Variants in URB1 observed in about 807,000 individuals in gnomAD.
URB1 encodes URB1 ribosome biogenesis factor.
URB1 carries 197 observed loss-of-function variants against 242.3 expected under a neutral mutation model. The ratio of observed to expected loss-of-function variants is 0.81; its 90% CI spans 0.72 to 0.91. URB1 has a LOEUF of 0.91. URB1 is among the 40% of genes least tolerant of loss of function. The probability of loss-of-function intolerance (pLI) is 0.00; values close to 1 mark genes in which losing one functional copy is unlikely to be tolerated. For missense variants in URB1, 2,721 were observed against 2,860.5 expected, an observed-to-expected ratio of 0.95 and a Z score of 1.11; for synonymous variants, 1,153 against 1,201.8, an observed-to-expected ratio of 0.96 and a Z score of 0.84.
In URB1 at chr21:32,346,989, T is replaced by C. The variant is rs1371989918; in HGVS notation, c.3835A>G (p.Arg1279Gly). ...LPLIHVYLQCRTRSHFTRPAG... is the reference protein window; with the variant it reads ...LPLIHVYLQCGTRSHFTRPAG... ...GGGCGTGTGAAGTGGCTCCGTGTCCTGCACTGGAGGTACACATGGATGAGG... is the reference window on the plus strand; with the variant it reads ...GGGCGTGTGAAGTGGCTCCGTGTCCCGCACTGGAGGTACACATGGATGAGG... Residue 1279 changes from arginine (R) to glycine (G), a missense_variant, in exon 22 of 39, where the codon AGG becomes GGG. Transcript: ENST00000382751. 2 of 1,535,198 alleles carry C rather than the reference T, an allele frequency of 1.3e-6. No individual in the cohort carries two copies. The highest frequency in any genetic ancestry group is 1.8e-6 in the Non-Finnish European group (2 of 1,134,824).
chr21:32,340,845 A>G (rs538856987), intron 25 of URB1, among the ~76,000 whole-genome samples: 1 of 152,330 alleles, frequency 6.6e-6, no homozygotes, highest in African/African-American at 2.4e-5. Flanking sequence ...AGAACAGCCT[A>G]GACATTTGTC....
intron 10 of URB1, among the ~76,000 whole-genome samples, chr21:32,364,129 G>T (rs978497623): frequency 6.6e-6 from 1 of 152,094 alleles, no homozygotes; most frequent in East Asian, 1.9e-4. Flanking sequence ...ACAGGCCTGT[G>T]ACATCCAGAG....
intron 19 of URB1, among the ~76,000 whole-genome samples, chr21:32,352,095 A>G (rs187347933): frequency 6.6e-6 from 1 of 152,354 alleles, no homozygotes; most frequent in Non-Finnish European, 1.5e-5. Context: ...ATCACAAGAT[A>G]AGGAGGGTCT....
At chr21:32,385,921 G>A (rs1285007059) in intron 1 of URB1, among the ~76,000 whole-genome samples, 1 of 152,162 alleles carries the variant, frequency 6.6e-6, no homozygotes, top group Non-Finnish European at 1.5e-5. Flanking sequence ...GGAGGCTAAG[G>A]CAGGCAGATC....
chr21:32,372,484 T>A (rs748317506), intron 8 of URB1, 23 bp downstream of exon 8: 2 of 1,548,580 alleles, frequency 1.3e-6, no homozygotes, highest in African/African-American at 2.7e-5. Context: ...CACCCTGGGG[T>A]CCACAAGAGT....
chr21:32,334,064 A>G, intron 29 of URB1, 99 bp downstream of exon 29: 25 of 1,359,612 alleles, frequency 1.8e-5, no homozygotes, highest in Non-Finnish European at 2.5e-5. Context: ...CTTACTTAAT[A>G]AAAAGGTAAA....
chr21:32,383,701 AG>A, intron 3 of URB1, 147 bp from the exon 4 acceptor site: 1 of 995,910 alleles, frequency 1.0e-6, no homozygotes, highest in South Asian at 2.2e-5. Flanking sequence ...TCTTTTTTTA[AG>A]GAAAAAGAAA....
chr21:32,352,588 G>A (rs2033169960), intron 19 of URB1, 122 bp downstream of exon 19: 1 of 1,160,654 alleles, frequency 8.6e-7, no homozygotes, highest in Admixed American at 2.2e-5. Flanking sequence ...GGGACTTTAG[G>A]GTAAGAAATT....
chr21:32,337,628 T>C, intron 26 of URB1, 114 bp from the exon 27 acceptor site: 2 of 775,266 alleles, frequency 2.6e-6, no homozygotes, highest in Non-Finnish European at 4.2e-6. Context: ...CTCCTCTGAA[T>C]AATACTGGTG....
chr21:32,345,645 T>G, intron 22 of URB1, 70 bp from the exon 23 acceptor site: 9 of 1,429,656 alleles, frequency 6.3e-6, no homozygotes, highest in African/African-American at 1.4e-5. Context: ...GACCAGCTCC[T>G]AGGAACTGGT....
In URB1 at chr21:32,347,147, C is replaced by A. The variant is rs1191698287; in HGVS notation, c.3677G>T (p.Arg1226Leu). The A allele has an allele frequency of 6.5e-7, 1 of 1,548,664 alleles. No homozygotes were observed. Among genetic ancestry groups the A allele is most frequent in the Admixed American group, 2.0e-5 (1 of 50,962 alleles). ...AGCGATGCTGAGGGCCGCCTGTGTG[C>A]GCCGGGCCAGGCAGTAGTCAAGCAG... ...ADLLDYCLAR[R>L]TQAALSIAAL... Residue 1226 changes from arginine (R) to leucine (L), a missense_variant, in exon 22 of 39, where the codon CGC (arginine) becomes CTC (leucine). Arg to Leu is a moderately radical substitution (Grantham distance 102). Coordinates refer to ENST00000382751, the MANE Select transcript of URB1 (RefSeq NM_014825.3).
At position 32,352,741 on chromosome 21, in the gene URB1, A is replaced by T. The variant is rs1385823788; in HGVS notation, c.2582T>A (p.Leu861His). Residue 861 changes from leucine to histidine, a missense_variant, in exon 19 of 39, where the codon CTC (leucine) becomes CAC (histidine). By Grantham distance (99) the Leu-to-His change is moderately conservative. Coordinates refer to ENST00000382751, the MANE Select transcript of URB1 (RefSeq NM_014825.3). ...CTCTCGGGCTTGCTCCGGGATCCAG[A>T]GGCTGTAGTATCTGTTAAACCGTGA... ...QLSRFNRYYS[L>H]WIPEQAREAW... is the part of the protein sequence containing the mutation. 1.3e-6 allele frequency: 2 copies of T among 1,551,472 alleles called. No individual in the cohort carries two copies. Among genetic ancestry groups the T allele is most frequent in the African/African-American group, 2.7e-5 (2 of 73,044 alleles).
intron 30 of URB1, among the ~76,000 whole-genome samples, chr21:32,330,737 G>C (rs2032884459): frequency 6.6e-6 from 1 of 152,216 alleles, no homozygotes; most frequent in African/African-American, 2.4e-5. Flanking sequence ...CCACTGACTA[G>C]GAGATCTGCT....
chr21:32,342,234 C>T (rs1470658347), intron 24 of URB1, among the ~76,000 whole-genome samples: 3 of 152,158 alleles, frequency 2.0e-5, no homozygotes, highest in Non-Finnish European at 4.4e-5. Context: ...ATGAAAACTA[C>T]TAGTGTGACA....
intron 25 of URB1, among the ~76,000 whole-genome samples, chr21:32,341,128 T>C (rs2033024392): frequency 6.6e-6 from 1 of 152,126 alleles, no homozygotes; most frequent in Non-Finnish European, 1.5e-5. Context: ...AAGCAGAACC[T>C]CAGAAGAGTG....
intron 33 of URB1, 117 bp downstream of exon 33, chr21:32,322,361 C>T: frequency 5.2e-6 from 5 of 964,312 alleles, no homozygotes; most frequent in Non-Finnish European, 8.0e-6. Flanking sequence ...CCACCGACTG[C>T]ACAATCGTGT....
At chr21:32,383,599 A>C in intron 3 of URB1, 45 bp from the exon 4 acceptor site, 2 of 1,522,638 alleles carry the variant, frequency 1.3e-6, no homozygotes, top group Non-Finnish European at 1.8e-6. Context: ...ACAACAGCAG[A>C]AGCACAGAGC....
chr21:32,316,045 CTA>C (rs1052514454), intron 38 of URB1, among the ~76,000 whole-genome samples: 7 of 152,260 alleles, frequency 4.6e-5, no homozygotes, highest in African/African-American at 1.7e-4. Flanking sequence ...ATGTGAAGCT[CTA>C]TGTGCACACA....
At chr21:32,317,968 G>A (rs2032714364) in intron 36 of URB1, 51 bp from the exon 37 acceptor site, 1 of 1,544,704 alleles carries the variant, frequency 6.5e-7, no homozygotes, top group African/African-American at 1.4e-5. Context: ...GCCCCTGCCT[G>A]GCAGTCAGCA....
Sources: gnomAD v4.1 joint callset for allele counts (sites outside exome capture counted in the v4.1 genomes callset) on GRCh38, gnomAD v4.1.1 for gene constraint, MANE v1.5 for transcripts, NCBI Gene and HGNC (gene_info 2026-07-23, HGNC 2026-07-21) for gene names.